Variants in EEFSEC observed in about 807,000 individuals in gnomAD.
EEFSEC encodes the protein eukaryotic elongation factor, selenocysteine-tRNA specific.
In EEFSEC, 43 loss-of-function variants were observed where a neutral mutation model predicts 42.1. That is an observed-to-expected ratio of 1.02 (90% CI 0.80 to 1.32). The LOEUF (loss-of-function observed/expected upper bound fraction) is 1.32. Among genes scored for constraint, EEFSEC ranks in the 40% most tolerant of loss-of-function variants. EEFSEC has a pLI of 0.00. For missense variants in EEFSEC, 745 were observed against 803.6 expected (o/e 0.93, Z 0.88); for synonymous variants, 354 against 339.1 (o/e 1.04, Z -0.48).
intron 1 of EEFSEC, among the ~76,000 whole-genome samples, chr3:128,225,276 G>A (rs1031882823): frequency 6.6e-6 from 1 of 152,176 alleles, no homozygotes; most frequent in African/African-American, 2.4e-5. Flanking sequence ...CCACAGTGAG[G>A]CAAGTCCAGC....
intron 4 of EEFSEC, among the ~76,000 whole-genome samples, chr3:128,337,424 G>A (rs975656703): frequency 6.6e-6 from 1 of 152,178 alleles, no homozygotes; most frequent in Non-Finnish European, 1.5e-5. Flanking sequence ...CCTGCTTGAC[G>A]TTCGGCTTGA....
chr3:128,277,613 G>C (rs892856915), intron 4 of EEFSEC, among the ~76,000 whole-genome samples: 4 of 152,248 alleles, frequency 2.6e-5, no homozygotes, highest in Non-Finnish European at 2.9e-5. Flanking sequence ...AGCTACCTTA[G>C]CTTGCTGTCA....
rs3037459 is a variant in EEFSEC at position 128,399,108 on chromosome 3, TAAAAAA to T, written c.1601-8957_1601-8952del. On this transcript the variant is annotated intron_variant, in intron 6 of 6. Transcript: ENST00000254730. The stretch of plus-strand genomic sequence containing the variant: ...TAAATAAATAAATAAATAAATAAAA[TAAAAAA>T]AAACCCTTCCATCCGCATAATGCAC... Among the ~76,000 whole-genome samples, 436 of 150,864 alleles carry T rather than the reference TAAAAAA, an allele frequency of 2.9e-3. 2 individuals carry two copies. Among genetic ancestry groups the T allele is most frequent in the African/African-American group, 0.01 (421 of 41,076 alleles).
At chr3:128,159,733 G>T (rs1217294171) in intron 1 of EEFSEC, among the ~76,000 whole-genome samples, 5 of 152,126 alleles carry the variant, frequency 3.3e-5, no homozygotes, top group Non-Finnish European at 7.4e-5. Context: ...ACCTGTTGTT[G>T]CCTCTGTTTG....
chr3:128,397,082 C>T (rs2067989823), intron 6 of EEFSEC, among the ~76,000 whole-genome samples: 1 of 152,204 alleles, frequency 6.6e-6, no homozygotes, highest in Non-Finnish European at 1.5e-5. Flanking sequence ...CAAGGCCCCA[C>T]CTGGCTCAGC....
intron 5 of EEFSEC, among the ~76,000 whole-genome samples, chr3:128,345,104 T>C (rs2067297556): frequency 6.6e-6 from 1 of 152,220 alleles, no homozygotes; most frequent in Non-Finnish European, 1.5e-5. Flanking sequence ...GTGTGAAAAG[T>C]TGAGCAGACC....
chr3:128,320,597 T>G (rs1236372098), intron 4 of EEFSEC, among the ~76,000 whole-genome samples: 1 of 152,150 alleles, frequency 6.6e-6, no homozygotes. Flanking sequence ...CTAACCACTG[T>G]GTTATGAGGA....
At chr3:128,302,389 T>C (rs954815484) in intron 4 of EEFSEC, among the ~76,000 whole-genome samples, 4 of 152,208 alleles carry the variant, frequency 2.6e-5, no homozygotes, top group Non-Finnish European at 5.9e-5. Flanking sequence ...GTGCCCCTTG[T>C]CTGGTGCTTC....
chr3:128,408,171 G>T lies in EEFSEC; in HGVS notation c.1703G>T (p.Arg568Leu), dbSNP rs373807553. 1.2e-6 allele frequency: 2 copies of T among 1,612,858 alleles called. No individual in the cohort carries two copies. Among genetic ancestry groups the T allele is most frequent in the Middle Eastern group, 1.7e-4 (1 of 6,052 alleles). ...EATRQEESAERSEPSQHVVLS... is the reference protein window; with the variant it reads ...EATRQEESAELSEPSQHVVLS... ...ACCAGGCAGGAGGAGAGCGCCGAGC[G>T]GAGCGAGCCCTCACAGCATGTGGTG... Residue 568 changes from arginine (R) to leucine (L), a missense_variant, in exon 7 of 7, where the codon CGG becomes CTG. Transcript: ENST00000254730.
At chr3:128,369,397 C>G (rs1188070247) in intron 6 of EEFSEC, among the ~76,000 whole-genome samples, 5 of 152,232 alleles carry the variant, frequency 3.3e-5, no homozygotes, top group Admixed American at 3.3e-4. Context: ...TGTGCTCTCT[C>G]CAACCATCCA....
rs72977305 is a variant in EEFSEC, at chr3:128,323,433, C to T, written c.787-17800C>T. 3.1e-3 allele frequency among the ~76,000 whole-genome samples: 477 copies of T among 152,298 alleles called. 1 individual carries two copies. Among genetic ancestry groups the T allele is most frequent in the African/African-American group, 0.011 (442 of 41,570 alleles). The stretch of plus-strand genomic sequence containing the variant: ...CCATGCCATTCTGTCGGCTCTGGCC[C>T]GGAACTGACCTTTGTTATTTGAAGT... On this transcript the variant is annotated intron_variant, in intron 4 of 6. Coordinates refer to ENST00000254730, the MANE Select transcript of EEFSEC (RefSeq NM_021937.5).
intron 4 of EEFSEC, among the ~76,000 whole-genome samples, chr3:128,269,594 C>A (rs771316554): frequency 2.0e-5 from 3 of 152,214 alleles, no homozygotes; most frequent in Non-Finnish European, 4.4e-5. Context: ...CACAGCCATT[C>A]CAAATAAACA....
intron 4 of EEFSEC, among the ~76,000 whole-genome samples, chr3:128,305,233 C>T (rs1037709971): frequency 2.0e-5 from 3 of 151,902 alleles, no homozygotes; most frequent in African/African-American, 7.3e-5. Context: ...AATATGTTTT[C>T]TAGTATTGCA....
intron 1 of EEFSEC, among the ~76,000 whole-genome samples, chr3:128,165,223 G>T (rs1302151262): frequency 6.6e-6 from 1 of 152,222 alleles, no homozygotes; most frequent in Non-Finnish European, 1.5e-5. Context: ...GCAGTTTGCT[G>T]CAGGGCGCAC....
chr3:128,326,153 A>G (rs1401702432), intron 4 of EEFSEC, among the ~76,000 whole-genome samples: 2 of 152,232 alleles, frequency 1.3e-5, no homozygotes, highest in African/African-American at 4.8e-5. Flanking sequence ...TGAGGAACAG[A>G]TGCTTGCCCC....
chr3:128,267,148 A>G (rs2066363070), intron 4 of EEFSEC, among the ~76,000 whole-genome samples: 1 of 152,110 alleles, frequency 6.6e-6, no homozygotes, highest in South Asian at 2.1e-4. Flanking sequence ...GTTTTTGATA[A>G]GAGTCAGTGG....
chr3:128,308,309 T>A (rs1004617996), intron 4 of EEFSEC, among the ~76,000 whole-genome samples: 1 of 152,202 alleles, frequency 6.6e-6, no homozygotes, highest in Non-Finnish European at 1.5e-5. Context: ...CAGTCCTTCT[T>A]GGTGCCAGCT....
At chr3:128,251,818 C>A (rs2066190244) in intron 2 of EEFSEC, among the ~76,000 whole-genome samples, 1 of 152,050 alleles carries the variant, frequency 6.6e-6, no homozygotes, top group Non-Finnish European at 1.5e-5. Flanking sequence ...CTTTGTTCTT[C>A]TTTGTGATTT....
At position 128,314,096 on chromosome 3, in the gene EEFSEC, G is replaced by C. The variant is rs146812461; in HGVS notation, c.787-27137G>C. 2.2e-3 allele frequency among the ~76,000 whole-genome samples: 339 copies of C among 152,304 alleles called. 1 individual carries two copies. The highest frequency in any genetic ancestry group is 7.4e-3 in the African/African-American group (307 of 41,562). ...GCCTAGGAATCTACCGTAAGGACAT[G>C]CTGCTCTCTCTCTCCCTCTCATTGA... is the stretch of plus-strand genomic sequence containing the variant. On this transcript the variant is annotated intron_variant, in intron 4 of 6. Transcript: ENST00000254730.
Sources: gnomAD v4.1 joint callset for allele counts (sites outside exome capture counted in the v4.1 genomes callset) on GRCh38, gnomAD v4.1.1 for gene constraint, MANE v1.5 for transcripts, NCBI Gene and HGNC (gene_info 2026-07-23, HGNC 2026-07-21) for gene names.